The following AGBL4 variants were observed in gnomAD, a reference collection of about 807,000 sequenced individuals.
AGBL4 encodes AGBL carboxypeptidase 4.
Under a neutral mutation model 66.4 loss-of-function variants are expected in AGBL4, and 58 were observed. The ratio of observed to expected loss-of-function variants is 0.87; its 90% CI spans 0.71 to 1.09. AGBL4 has a LOEUF of 1.09. Ranked by LOEUF, AGBL4 falls within the 50% of genes least tolerant of loss-of-function variation. The pLI is 0.00. For synonymous variants in AGBL4, 234 were observed against 222.9 expected, an observed-to-expected ratio of 1.05 and a Z score of -0.44; for missense variants, 579 against 631.0, an observed-to-expected ratio of 0.92 and a Z score of 0.88.
intron 5 of AGBL4, among the ~76,000 whole-genome samples, chr1:49,019,617 GAGAA>G (rs1663087816): frequency 6.6e-6 from 1 of 152,138 alleles, no homozygotes; most frequent in African/African-American, 2.4e-5. Flanking sequence ...ACTAAGTGAC[GAGAA>G]AGAAACAAAG....
intron 3 of AGBL4, among the ~76,000 whole-genome samples, chr1:49,295,514 G>C (rs1352148783): frequency 6.6e-6 from 1 of 152,182 alleles, no homozygotes; most frequent in Non-Finnish European, 1.5e-5. Flanking sequence ...GTAGAGATGT[G>C]AAACAACATA....
chr1:48,856,861 T>C (rs1205013816), intron 6 of AGBL4, among the ~76,000 whole-genome samples: 1 of 152,194 alleles, frequency 6.6e-6, no homozygotes, highest in Non-Finnish European at 1.5e-5. Flanking sequence ...GTGACTATCA[T>C]GTCCCTGACA....
At chr1:49,769,216 CCACACACACA>C (rs111502919) in intron 2 of AGBL4, among the ~76,000 whole-genome samples, 2 of 147,764 alleles carry the variant, frequency 1.4e-5, no homozygotes, top group East Asian at 4.0e-4. Flanking sequence ...TTTGTAATAG[CCACACACACA>C]CACACACACA....
chr1:48,587,166 A>G lies in AGBL4; in HGVS notation c.1105T>C (p.Ser369Pro). The G allele has an allele frequency of 6.4e-7, 1 of 1,550,462 alleles. No homozygotes were observed. Among genetic ancestry groups the G allele is most frequent in the South Asian group, 1.2e-5 (1 of 83,676 alleles). Residue 369 changes from serine to proline, a missense_variant and splice_region_variant, in exon 11 of 14, where the codon TCC becomes CCC. Transcript: ENST00000371839. ...GCGTCCCGGTTAAAGGATGTGCTGG[A>G]CTGTGAAAGACAGAGTAGGGAGGAG... ...LCQNAEDFSY[S>P]STSFNRDAVK...
At chr1:48,966,278 A>G (rs530179931) in intron 5 of AGBL4, among the ~76,000 whole-genome samples, 1 of 152,262 alleles carries the variant, frequency 6.6e-6, no homozygotes, top group East Asian at 1.9e-4. Context: ...GCATTGAAAA[A>G]GGGGCCCAAG....
intron 1 of AGBL4, among the ~76,000 whole-genome samples, chr1:49,880,931 G>A (rs546712729): frequency 3.3e-5 from 5 of 152,148 alleles, no homozygotes; most frequent in South Asian, 2.1e-4. Flanking sequence ...TTCCAGGTGC[G>A]TCCGTCACCC....
chr1:49,094,568 G>T (rs982463186), intron 4 of AGBL4, among the ~76,000 whole-genome samples: 3 of 152,118 alleles, frequency 2.0e-5, no homozygotes, highest in African/African-American at 7.2e-5. Flanking sequence ...GCTTTTTGAT[G>T]TGCTGCTGGA....
chr1:48,731,073 G>C (rs1432062379), intron 6 of AGBL4, among the ~76,000 whole-genome samples: 1 of 152,088 alleles, frequency 6.6e-6, no homozygotes, highest in Non-Finnish European at 1.5e-5. Flanking sequence ...GAGCATAAAG[G>C]CTTTTCTATT....
At chr1:49,050,747 A>C (rs1302063278) in intron 4 of AGBL4, among the ~76,000 whole-genome samples, 1 of 152,124 alleles carries the variant, frequency 6.6e-6, no homozygotes. Context: ...CTTTGTCAAC[A>C]ACTTCAGGAT....
chr1:48,734,595 A>T (rs1648715589), intron 6 of AGBL4, among the ~76,000 whole-genome samples: 1 of 152,058 alleles, frequency 6.6e-6, no homozygotes, highest in African/African-American at 2.4e-5. Flanking sequence ...CATCCCAGCC[A>T]TCTGGGGCTT....
At chr1:48,922,283 A>G (rs965184082) in intron 5 of AGBL4, among the ~76,000 whole-genome samples, 1 of 152,222 alleles carries the variant, frequency 6.6e-6, no homozygotes, top group African/African-American at 2.4e-5. Flanking sequence ...CAAAGGCAAA[A>G]TATGAGCTAA....
chr1:48,863,769 T>C (rs1647715315), intron 6 of AGBL4, among the ~76,000 whole-genome samples: 1 of 151,990 alleles, frequency 6.6e-6, no homozygotes. Context: ...AAAAAATAAA[T>C]TCCTATTTCA....
At chr1:49,796,866 C>T (rs1424799369) in intron 2 of AGBL4, among the ~76,000 whole-genome samples, 1 of 151,838 alleles carries the variant, frequency 6.6e-6, no homozygotes, top group Non-Finnish European at 1.5e-5. Context: ...TCCAGTTATG[C>T]AAGATGAGTA....
chr1:48,595,338 A>G (rs1644979358), intron 9 of AGBL4, among the ~76,000 whole-genome samples: 1 of 152,266 alleles, frequency 6.6e-6, no homozygotes, highest in Non-Finnish European at 1.5e-5. Flanking sequence ...TCATCATTAA[A>G]GGTTTACAAA....
intron 5 of AGBL4, among the ~76,000 whole-genome samples, chr1:48,893,042 C>T (rs1651126920): frequency 1.3e-5 from 2 of 152,170 alleles, no homozygotes; most frequent in Admixed American, 6.5e-5. Flanking sequence ...CTGGAGTGCA[C>T]TTATCTACTG....
intron 4 of AGBL4, among the ~76,000 whole-genome samples, chr1:49,183,686 T>C (rs1646967840): frequency 6.6e-6 from 1 of 152,200 alleles, no homozygotes; most frequent in African/African-American, 2.4e-5. Flanking sequence ...ATGTTTCACT[T>C]TTATTTACCC....
At chr1:49,906,249 G>A (rs927918024) in intron 1 of AGBL4, among the ~76,000 whole-genome samples, 1 of 151,608 alleles carries the variant, frequency 6.6e-6, no homozygotes, top group Non-Finnish European at 1.5e-5. Context: ...TGCAGTTATT[G>A]TACTTAAAAA....
Position 49,245,794 on chromosome 1 carries a change from A to T in AGBL4, c.353T>A (p.Val118Glu), listed in dbSNP as rs927921570. The change falls in exon 4 of 14, where the codon GTG (valine) becomes GAG (glutamate). Residue 118 changes from valine to glutamate, a missense_variant. Physicochemically the swap from Val to Glu is moderately radical, Grantham distance 121. Transcript: ENST00000371839. The part of the protein sequence containing the change: ...SLYRDGMAPM[V>E]KSTSRPKWQR... ...CCATTTTGGTCTGCTGGTAGATTTC[A>T]CCATAGGGGCCATCCCATCTCTATA... 3 of 1,549,474 alleles carry T rather than the reference A, an allele frequency of 1.9e-6. No homozygotes were observed. The highest frequency in any genetic ancestry group is 2.6e-6 in the Non-Finnish European group (3 of 1,145,500).
chr1:49,992,223 T>G (rs1409613716), intron 1 of AGBL4, among the ~76,000 whole-genome samples: 2 of 151,916 alleles, frequency 1.3e-5, no homozygotes, highest in Non-Finnish European at 2.9e-5. Context: ...CACAAAAAAA[T>G]TAGCCGGGCA....
Sources: allele counts gnomAD v4.1 joint callset (sites outside exome capture counted in the v4.1 genomes callset), GRCh38; gene constraint gnomAD v4.1.1; transcripts MANE v1.5; gene names NCBI Gene and HGNC (gene_info 2026-07-23, HGNC 2026-07-21).